The following WWP1 variants were observed in gnomAD, a reference collection of about 807,000 sequenced individuals.
WWP1 encodes NEDD4-like E3 ubiquitin-protein ligase WWP1.
In WWP1, 49 loss-of-function variants were observed where a neutral mutation model predicts 130.6. That is an observed-to-expected ratio of 0.38 (90% CI 0.30 to 0.48). The LOEUF is 0.48. WWP1 is among the 20% of genes least tolerant of loss of function. The probability of loss-of-function intolerance (pLI) is 0.99; values close to 1 mark genes in which losing one functional copy is unlikely to be tolerated. For synonymous variants in WWP1, 332 were observed against 367.8 expected, an observed-to-expected ratio of 0.90 and a Z score of 1.11; for missense variants, 809 against 1,100.6, an observed-to-expected ratio of 0.74 and a Z score of 3.75.
intron 5 of WWP1, among the ~76,000 whole-genome samples, chr8:86,387,745 A>G (rs1289731918): frequency 1.3e-5 from 2 of 152,140 alleles, no homozygotes; most frequent in East Asian, 3.9e-4. Context: ...ACTGGTCTCG[A>G]ACTCCTGACC....
chr8:86,446,825 G>C (rs1310181391), intron 18 of WWP1, among the ~76,000 whole-genome samples: 1 of 151,170 alleles, frequency 6.6e-6, no homozygotes, highest in African/African-American at 2.5e-5. Context: ...GTTGGAGAGA[G>C]GAGGAGATTT....
chr8:86,375,050 T>C (rs774121684), intron 3 of WWP1, among the ~76,000 whole-genome samples: 26 of 152,172 alleles, frequency 1.7e-4, no homozygotes, highest in Admixed American at 1.2e-3. Context: ...ATTATCATAA[T>C]ATCTGTTTTT....
In WWP1 at chr8:86,427,639, G is replaced by T; in HGVS notation, c.1158-4G>T. The T allele has an allele frequency of 6.3e-7, 1 of 1,593,842 alleles. No homozygotes were observed. On this transcript the variant is annotated splice_polypyrimidine_tract_variant and splice_region_variant and intron_variant, in intron 10 of 24. Transcript: ENST00000517970. ...TATTGTTTATTATTGTTTACTTGTG[G>T]TAGTTGGGAAAGAAGAGTTGATGAT...
chr8:86,377,206 C>T (rs903596781), intron 3 of WWP1, among the ~76,000 whole-genome samples: 1 of 152,056 alleles, frequency 6.6e-6, no homozygotes, highest in African/African-American at 2.4e-5. Context: ...CTGCATCAGC[C>T]TCCCAAATAG....
chr8:86,391,907 C>T (rs1389572282), intron 5 of WWP1, among the ~76,000 whole-genome samples: 1 of 152,030 alleles, frequency 6.6e-6, no homozygotes, highest in Non-Finnish European at 1.5e-5. Flanking sequence ...AAGACACTCA[C>T]ATGTTATAGG....
At chr8:86,418,280 A>G (rs769319485) in intron 9 of WWP1, among the ~76,000 whole-genome samples, 17 of 152,320 alleles carry the variant, frequency 1.1e-4, no homozygotes, top group Admixed American at 3.9e-4. Flanking sequence ...TGTGGAGCGT[A>G]TGGTCTAATA....
In WWP1 at chr8:86,411,799, C is replaced by T. The variant is rs927648224; in HGVS notation, c.986C>T (p.Ser329Leu). The change falls in exon 9 of 25, where the codon TCA (serine) becomes TTA (leucine). Residue 329 changes from serine to leucine, a missense_variant. Around this residue, in one of 3 missense-constraint regions of WWP1, gnomAD observed 97 missense variants for 80.4 expected, o/e 1.21. Coordinates refer to ENST00000517970, the MANE Select transcript of WWP1 (RefSeq NM_007013.4). ...RSSSAFEAAK[S>L]RQPDGCMDPV... ...AGTTCTGCTTTTGAAGCAGCCAAAT[C>T]AAGACAGCCAGATGGGTGTATGGAT... 28 of 1,614,008 alleles carry T rather than the reference C, an allele frequency of 1.7e-5. No individual in the cohort carries two copies. Among genetic ancestry groups the T allele is most frequent in the Non-Finnish European group, 2.3e-5 (27 of 1,180,040 alleles).
At chr8:86,389,236 T>C (rs916813465) in intron 5 of WWP1, among the ~76,000 whole-genome samples, 1 of 151,738 alleles carries the variant, frequency 6.6e-6, no homozygotes, top group Non-Finnish European at 1.5e-5. Flanking sequence ...AGGACAATAG[T>C]GGAGGGAAGG....
In WWP1 at chr8:86,427,696, C is replaced by A; in HGVS notation, c.1211C>A (p.Thr404Asn). 6.2e-7 allele frequency: 1 copy of A among 1,613,826 alleles called. No homozygotes were observed. The highest frequency in any genetic ancestry group is 8.5e-7 in the Non-Finnish European group (1 of 1,179,864). ...RRRVYYVDHN[T>N]RTTTWQRPTM... ...AGAGTTTATTATGTGGATCATAACACCAGAACAACAACGTGGCAGCGGCCT... is the reference window on the plus strand; with the variant it reads ...AGAGTTTATTATGTGGATCATAACAACAGAACAACAACGTGGCAGCGGCCT... The change falls in exon 11 of 25, where the codon ACC becomes AAC. Residue 404 changes from threonine to asparagine, a missense_variant. By Grantham distance (65) the Thr-to-Asn change is moderately conservative. Coordinates refer to ENST00000517970, the MANE Select transcript of WWP1 (RefSeq NM_007013.4).
chr8:86,370,296 A>G (rs369658767), intron 2 of WWP1, among the ~76,000 whole-genome samples: 14 of 152,358 alleles, frequency 9.2e-5, no homozygotes, highest in African/African-American at 1.9e-4. Flanking sequence ...ATAAAAATAG[A>G]CAGAAATATC....
At chr8:86,415,710 A>AT (rs1808849949) in intron 9 of WWP1, among the ~76,000 whole-genome samples, 1 of 152,142 alleles carries the variant, frequency 6.6e-6, no homozygotes, top group Admixed American at 6.5e-5. Context: ...CTATAGATTA[A>AT]TTTTCCCTGC....
chr8:86,435,827 C>T, intron 16 of WWP1, 123 bp downstream of exon 16: 1 of 876,026 alleles, frequency 1.1e-6, no homozygotes. Flanking sequence ...TAATGACTGC[C>T]ACCACCACTT....
Position 86,411,706 on chromosome 8 carries a change from C to G in WWP1, c.893C>G (p.Ser298Cys). ...TSSENNECIP[S>C]TSAELESEAR... is the part of the protein sequence containing the mutation. ...TCAGAAAACAATGAATGTATTCCTT[C>G]TACCAGTGCAGAATTGGAATCTGAA... The change falls in exon 9 of 25, where the codon TCT becomes TGT. Residue 298 changes from serine to cysteine, a missense_variant. Physicochemically the swap from Ser to Cys is moderately radical, Grantham distance 112. Around this residue, in one of 3 missense-constraint regions of WWP1, gnomAD observed 97 missense variants for 80.4 expected, o/e 1.21. Coordinates refer to ENST00000517970, the MANE Select transcript of WWP1 (RefSeq NM_007013.4). The G allele has an allele frequency of 6.2e-7, 1 of 1,614,166 alleles. No individual in the cohort carries two copies. Among genetic ancestry groups the G allele is most frequent in the South Asian group, 1.1e-5 (1 of 91,080 alleles).
intron 17 of WWP1, among the ~76,000 whole-genome samples, 164 bp downstream of exon 17, chr8:86,438,837 C>A (rs1182780908): frequency 6.6e-6 from 1 of 151,964 alleles, no homozygotes; most frequent in African/African-American, 2.4e-5. Context: ...TATTACTACT[C>A]TTGGTTATCT....
chr8:86,402,763 A>G (rs1361988291), intron 8 of WWP1, among the ~76,000 whole-genome samples: 1 of 152,252 alleles, frequency 6.6e-6, no homozygotes, highest in African/African-American at 2.4e-5. Flanking sequence ...CTAGATTCTT[A>G]AGCTTTGCCA....
At position 86,427,781 on chromosome 8, in the gene WWP1, A is replaced by G. The variant is rs1463259259; in HGVS notation, c.1296A>G (p.Gly432=). 1 of 1,613,524 alleles carries G rather than the reference A, an allele frequency of 6.2e-7. No individual in the cohort carries two copies. The highest frequency in any genetic ancestry group is 1.1e-5 in the South Asian group (1 of 90,954). The part of the protein sequence containing the change: ...QWQSQRNQLQ[G]AMQQFNQRYL... ...AATCTCAGCGGAACCAATTGCAGGG[A>G]GCTATGCAACAGTTTAACCAACGAT... The change falls in exon 11 of 25, where the codon GGA becomes GGG. Residue 432 remains glycine, a synonymous_variant. Transcript: ENST00000517970.
At chr8:86,434,148 C>G (rs1279157527) in intron 14 of WWP1, among the ~76,000 whole-genome samples, 3 of 152,126 alleles carry the variant, frequency 2.0e-5, no homozygotes, top group African/African-American at 7.2e-5. Context: ...TGTTGTTACT[C>G]TCCATACAGC....
intron 21 of WWP1, among the ~76,000 whole-genome samples, chr8:86,457,134 A>G (rs1010767253): frequency 1.3e-5 from 2 of 151,950 alleles, no homozygotes; most frequent in Admixed American, 6.6e-5. Flanking sequence ...TATGTAAATT[A>G]TACCTCAAAG....
At chr8:86,403,538 A>C (rs1320047774) in intron 8 of WWP1, among the ~76,000 whole-genome samples, 1 of 151,978 alleles carries the variant, frequency 6.6e-6, no homozygotes, top group African/African-American at 2.4e-5. Flanking sequence ...CAAGTGATCC[A>C]CCTGTCTCAG....
Sources: allele counts gnomAD v4.1 joint callset (sites outside exome capture counted in the v4.1 genomes callset), GRCh38; gene constraint gnomAD v4.1.1; regional missense constraint gnomAD v4.1.1; transcripts MANE v1.5; gene names NCBI Gene and HGNC (gene_info 2026-07-23, HGNC 2026-07-21).